ASTN2: variants seen among roughly 807,000 people sequenced by gnomAD.
ASTN2 encodes astrotactin-2.
ASTN2 carries 54 observed loss-of-function variants against 139.8 expected under a neutral mutation model. The observed-to-expected ratio is 0.39, with a 90% CI of 0.31 to 0.48. ASTN2 has a LOEUF of 0.48. Among genes scored for constraint, ASTN2 ranks in the 20% least tolerant of loss-of-function variants. The probability of loss-of-function intolerance (pLI) is 0.95; values close to 1 mark genes in which losing one functional copy is unlikely to be tolerated. For synonymous variants in ASTN2, 756 were observed against 719.5 expected, an observed-to-expected ratio of 1.05 and a Z score of -0.81; for missense variants, 1,565 against 1,725.1, an observed-to-expected ratio of 0.91 and a Z score of 1.64.
At chr9:116,446,054 G>A (rs1358571852) in intron 20 of ASTN2, among the ~76,000 whole-genome samples, 1 of 152,022 alleles carries the variant, frequency 6.6e-6, no homozygotes, top group South Asian at 2.1e-4. Context: ...TGCCTGGAGG[G>A]GTTACTTGTG....
intron 10 of ASTN2, among the ~76,000 whole-genome samples, chr9:116,914,405 G>A (rs1276939523): frequency 1.3e-5 from 2 of 152,044 alleles, no homozygotes; most frequent in Non-Finnish European, 2.9e-5. Flanking sequence ...TAATTCCTGA[G>A]TCTTTTGGTC....
intron 20 of ASTN2, among the ~76,000 whole-genome samples, chr9:116,451,977 C>G (rs1200585298): frequency 2.0e-5 from 3 of 152,070 alleles, no homozygotes; most frequent in Non-Finnish European, 4.4e-5. Flanking sequence ...CCTTCCTCTC[C>G]CCATCCCCCG....
chr9:117,060,409 A>G (rs13300733), intron 5 of ASTN2, among the ~76,000 whole-genome samples: 7,660 of 36,062 alleles, frequency 0.21, 604 homozygotes, highest in Non-Finnish European at 0.25. Flanking sequence ...AAAGAAAGAA[A>G]GAAGGAAAGG....
chr9:116,449,775 GAGT>G (rs894430722), intron 20 of ASTN2, among the ~76,000 whole-genome samples: 1 of 152,146 alleles, frequency 6.6e-6, no homozygotes, highest in African/African-American at 2.4e-5. Flanking sequence ...TAAGAAATTT[GAGT>G]GCCCTGAGGC....
intron 17 of ASTN2, among the ~76,000 whole-genome samples, chr9:116,633,073 G>C (rs1214249366): frequency 6.6e-6 from 1 of 152,210 alleles, no homozygotes; most frequent in African/African-American, 2.4e-5. Context: ...CGGGGCAATA[G>C]ATTGTGCTTA....
rs79069770 is a variant in ASTN2, at chr9:116,506,458, C to A, written c.3356-18958G>T. 5.1e-3 allele frequency among the ~76,000 whole-genome samples: 768 copies of A among 152,036 alleles called. 10 individuals carry two copies. Among genetic ancestry groups the A allele is most frequent in the Admixed American group, 0.018 (274 of 15,254 alleles). On this transcript the variant is annotated intron_variant, in intron 19 of 22. Coordinates refer to ENST00000313400, the MANE Select transcript of ASTN2 (RefSeq NM_001365068.1). Reference sequence around the variant, plus strand: ...GAAATGGGTGTTATTTGGGATTTTACCTCTTAGGCGGGAAGCCCCAGAGAT... The same window carrying A: ...GAAATGGGTGTTATTTGGGATTTTAACTCTTAGGCGGGAAGCCCCAGAGAT...
chr9:116,867,373 C>T (rs2132346972), intron 10 of ASTN2, among the ~76,000 whole-genome samples: 1 of 151,790 alleles, frequency 6.6e-6, no homozygotes, highest in South Asian at 2.1e-4. Flanking sequence ...AAAGAAAACA[C>T]ACCCATCTCT....
At chr9:117,317,780 G>A (rs565727675) in intron 1 of ASTN2, among the ~76,000 whole-genome samples, 1 of 152,218 alleles carries the variant, frequency 6.6e-6, no homozygotes, top group South Asian at 2.1e-4. Flanking sequence ...CTGATGAGAG[G>A]ATGCCCCAGA....
intron 3 of ASTN2, among the ~76,000 whole-genome samples, chr9:117,174,984 T>C (rs1564461742): frequency 6.6e-6 from 1 of 151,996 alleles, no homozygotes; most frequent in Non-Finnish European, 1.5e-5. Context: ...GGAAGAGCAT[T>C]AGAACAAGAT....
chr9:116,590,150 C>T (rs1854320785), intron 19 of ASTN2, among the ~76,000 whole-genome samples: 1 of 152,208 alleles, frequency 6.6e-6, no homozygotes, highest in South Asian at 2.1e-4. Context: ...CCACCCACTT[C>T]CAAGTTGGAG....
At position 117,291,629 on chromosome 9, in the gene ASTN2, C is replaced by A. The variant is rs535260005; in HGVS notation, c.443-116G>T. ...AAGGCATCCATTTTTTGCCAGGATA[C>A]CTTTCCTCACATCAAGTCTATGAGA... On this transcript the variant is annotated intron_variant, in intron 1 of 22. Coordinates refer to ENST00000313400, the MANE Select transcript of ASTN2 (RefSeq NM_001365068.1). 2.2e-5 allele frequency: 18 copies of A among 805,564 alleles called. No individual in the cohort carries two copies. The African/African-American group carries it at 2.8e-4, about 12-fold the overall frequency. 49.9% of individuals were successfully genotyped at this position (805,564 alleles called of 1,614,324 possible).
chr9:117,316,538 G>A (rs907351026), intron 1 of ASTN2, among the ~76,000 whole-genome samples: 2 of 152,144 alleles, frequency 1.3e-5, no homozygotes, highest in Non-Finnish European at 2.9e-5. Flanking sequence ...CTTGACCATG[G>A]TACTATATAT....
chr9:117,152,157 A>G (rs1390424596), intron 3 of ASTN2, among the ~76,000 whole-genome samples: 1 of 152,198 alleles, frequency 6.6e-6, no homozygotes. Flanking sequence ...TAATATAAGC[A>G]AAGTGCTTAA....
chr9:117,311,015 G>C (rs1210921377), intron 1 of ASTN2, among the ~76,000 whole-genome samples: 16 of 152,010 alleles, frequency 1.1e-4, no homozygotes, highest in Admixed American at 1.0e-3. Context: ...CCCTTCATTG[G>C]CTCCCCTTCC....
intron 11 of ASTN2, among the ~76,000 whole-genome samples, chr9:116,834,064 T>C (rs1461563760): frequency 2.0e-5 from 3 of 152,232 alleles, no homozygotes; most frequent in South Asian, 2.1e-4. Flanking sequence ...ACCCAATTTA[T>C]GTTATTTTGC....
At chr9:117,163,677 T>C (rs1830603574) in intron 3 of ASTN2, among the ~76,000 whole-genome samples, 1 of 152,120 alleles carries the variant, frequency 6.6e-6, no homozygotes, top group Admixed American at 6.6e-5. Flanking sequence ...GGAACCATTC[T>C]CCCTACCATG....
At chr9:116,841,963 G>C (rs1306662990) in intron 11 of ASTN2, among the ~76,000 whole-genome samples, 1 of 152,152 alleles carries the variant, frequency 6.6e-6, no homozygotes, top group East Asian at 1.9e-4. Flanking sequence ...GAGCTGCCTT[G>C]GGTCATACAG....
intron 1 of ASTN2, among the ~76,000 whole-genome samples, chr9:117,410,706 T>C (rs1180406693): frequency 6.6e-6 from 1 of 152,164 alleles, no homozygotes; most frequent in East Asian, 1.9e-4. Context: ...TTCAGGTTCT[T>C]TCTGGTCCAG....
intron 20 of ASTN2, among the ~76,000 whole-genome samples, chr9:116,454,339 A>G (rs1175263934): frequency 1.3e-5 from 2 of 152,176 alleles, no homozygotes; most frequent in Non-Finnish European, 2.9e-5. Context: ...ATCTATTTTT[A>G]CCCTTTCTAT....
Sources: allele counts gnomAD v4.1 joint callset (sites outside exome capture counted in the v4.1 genomes callset), GRCh38; gene constraint gnomAD v4.1.1; transcripts MANE v1.5; gene names NCBI Gene and HGNC (gene_info 2026-07-23, HGNC 2026-07-21).